The following STK3 variants were observed in gnomAD, a reference collection of about 807,000 sequenced individuals.
STK3 encodes serine/threonine kinase 3.
Under a neutral mutation model 58.0 loss-of-function variants are expected in STK3, and 41 were observed. The ratio of observed to expected loss-of-function variants is 0.71; its 90% CI spans 0.55 to 0.92. The LOEUF is 0.92. Ranked by LOEUF, STK3 falls within the 40% of genes least tolerant of loss-of-function variation. The pLI, the probability that STK3 is intolerant of heterozygous loss-of-function variation, is 0.00. For synonymous variants in STK3, 170 were observed against 191.0 expected (o/e 0.89, Z 0.91); for missense variants, 479 against 602.7 (o/e 0.79, Z 2.15).
intron 3 of STK3, among the ~76,000 whole-genome samples, chr8:98,862,254 A>G (rs1275350191): frequency 6.6e-6 from 1 of 152,186 alleles, no homozygotes; most frequent in Non-Finnish European, 1.5e-5. Flanking sequence ...GGAGTAATGC[A>G]TTTTCTCCCT....
intron 3 of STK3, among the ~76,000 whole-genome samples, chr8:98,409,882 G>A (rs141575310): frequency 1.3e-5 from 2 of 152,250 alleles, no homozygotes; most frequent in Non-Finnish European, 2.9e-5. Context: ...AAATACCCTC[G>A]TTGGTCCCTT....
intron 4 of STK3, among the ~76,000 whole-genome samples, chr8:98,708,722 T>G (rs1307068189): frequency 6.6e-6 from 1 of 152,292 alleles, no homozygotes; most frequent in East Asian, 1.9e-4. Flanking sequence ...CAGGAAATAT[T>G]TGGTCTTTGT....
chr8:98,445,749 G>A (rs1422697461), intron 1 of STK3, among the ~76,000 whole-genome samples: 1 of 152,186 alleles, frequency 6.6e-6, no homozygotes, highest in Non-Finnish European at 1.5e-5. Context: ...CTCCTCAGAA[G>A]CTGTTGCCAA....
intron 6 of STK3, among the ~76,000 whole-genome samples, chr8:98,637,166 T>TA (rs1452408955): frequency 2.6e-5 from 4 of 152,012 alleles, no homozygotes; most frequent in Non-Finnish European, 5.9e-5. Context: ...ATACTGATCT[T>TA]ACAAAGAGAC....
At chr8:98,773,793 T>G (rs1390066650) in intron 2 of STK3, among the ~76,000 whole-genome samples, 1 of 151,824 alleles carries the variant, frequency 6.6e-6, no homozygotes, top group Non-Finnish European at 1.5e-5. Context: ...ATTTATTTAT[T>G]TATTTATTTA....
chr8:98,370,830 A>C (rs1369491607), downstream of STK3, among the ~76,000 whole-genome samples: 1 of 152,202 alleles, frequency 6.6e-6, no homozygotes, highest in Non-Finnish European at 1.5e-5. Context: ...AGTCAGGTTA[A>C]ATCCCATCTG....
chr8:98,618,028 C>G (rs1817914012), intron 6 of STK3, among the ~76,000 whole-genome samples: 1 of 151,824 alleles, frequency 6.6e-6, no homozygotes, highest in Admixed American at 6.6e-5. Context: ...AATTTTAGAC[C>G]AATATCCTTG....
intron 6 of STK3, among the ~76,000 whole-genome samples, chr8:98,619,946 C>T (rs1285555627): frequency 5.4e-5 from 4 of 74,334 alleles, no homozygotes; most frequent in Non-Finnish European, 7.7e-5. Flanking sequence ...TACCATTTGA[C>T]CCAGCCATCC....
intron 3 of STK3, chr8:98,429,133 C>T (rs201873843): frequency 9.3e-6 from 15 of 1,613,346 alleles, no homozygotes; most frequent in South Asian, 4.4e-5. Context: ...CCAGGGACCA[C>T]GGCAGGAAAG....
At chr8:98,594,222 G>C (rs1180976937) in intron 7 of STK3, among the ~76,000 whole-genome samples, 1 of 152,010 alleles carries the variant, frequency 6.6e-6, no homozygotes, top group African/African-American at 2.4e-5. Flanking sequence ...TGGGAGGATA[G>C]GTGGAGCCCA....
chr8:98,466,311 A>G (rs926518116), intron 10 of STK3, among the ~76,000 whole-genome samples: 3 of 152,210 alleles, frequency 2.0e-5, no homozygotes, highest in Admixed American at 1.3e-4. Context: ...GTGGAGCAAT[A>G]ATATAAACTT....
At chr8:98,771,376 GCT>G (rs1831306936) in intron 2 of STK3, among the ~76,000 whole-genome samples, 1 of 152,074 alleles carries the variant, frequency 6.6e-6, no homozygotes, top group Non-Finnish European at 1.5e-5. Context: ...CCACATTTTG[GCT>G]ATTGTAAATA....
At chr8:98,383,716 C>T (rs1162293693) in intron 1 of STK3, among the ~76,000 whole-genome samples, 2 of 152,224 alleles carry the variant, frequency 1.3e-5, no homozygotes, top group African/African-American at 2.4e-5. Context: ...CGTAGTTGTA[C>T]CATGTTGTGC....
rs1334947846 is a variant in STK3, at chr8:98,428,663, A to C, written n.483+5464T>G. The C allele has an allele frequency of 6.2e-7, 1 of 1,614,058 alleles. No individual in the cohort carries two copies. The highest frequency in any genetic ancestry group is 2.2e-5 in the East Asian group (1 of 44,880). The stretch of plus-strand genomic sequence containing the variant: ...ACCCTGGCGAGGACCCTAGGTTCGA[A>C]ATCGTGGAGCACTTTGGCATTGCCT... On this transcript the variant is annotated intron_variant and non_coding_transcript_variant, in intron 3 of 3. Coordinates refer to the STK3 transcript ENST00000517832. The surrounding 1 kb of genome is among the most constrained non-coding windows in gnomAD (Gnocchi z 6.7).
chr8:98,400,452 C>T (rs1485883287), downstream of STK3, among the ~76,000 whole-genome samples: 4 of 152,230 alleles, frequency 2.6e-5, no homozygotes, highest in East Asian at 1.9e-4. Context: ...GCACCCATCC[C>T]GGGCTCTGTC....
chr8:98,560,342 A>C (rs1747438176), intron 8 of STK3, among the ~76,000 whole-genome samples: 1 of 152,152 alleles, frequency 6.6e-6, no homozygotes, highest in African/African-American at 2.4e-5. Flanking sequence ...CCTAGAACTA[A>C]TAAAAATTAG....
At chr8:98,700,220 A>T (rs562319497) in intron 6 of STK3, among the ~76,000 whole-genome samples, 3 of 152,298 alleles carry the variant, frequency 2.0e-5, no homozygotes, top group South Asian at 4.1e-4. Flanking sequence ...CCCTCGGAAA[A>T]GCGCAGTATT....
the STK3 span, among the ~76,000 whole-genome samples, chr8:98,351,924 C>G: frequency 0.33 from 50,540 of 151,840 alleles, 8,778 homozygotes; most frequent in Middle Eastern, 0.49. Context: ...CTTTGGGAGG[C>G]TATGGTGGGT....
intron 1 of STK3, among the ~76,000 whole-genome samples, chr8:98,911,822 A>G (rs1038280792): frequency 1.3e-5 from 2 of 150,544 alleles, no homozygotes; most frequent in Admixed American, 6.6e-5. Flanking sequence ...ATTTTTTAAA[A>G]AATGAAAACT....
Sources: allele counts gnomAD v4.1 joint callset (sites outside exome capture counted in the v4.1 genomes callset), GRCh38; gene constraint gnomAD v4.1.1; non-coding constraint Gnocchi (gnomAD v3.1); transcripts MANE v1.5; gene names NCBI Gene and HGNC (gene_info 2026-07-23, HGNC 2026-07-21).